The following RPF2 variants were observed in gnomAD, a reference collection of about 807,000 sequenced individuals.
RPF2 encodes the protein ribosome production factor 2 homolog.
In RPF2, 21 loss-of-function variants were observed where a neutral mutation model predicts 38.9. The observed-to-expected ratio is 0.54, with a 90% confidence interval of 0.38 to 0.78. The LOEUF (loss-of-function observed/expected upper bound fraction) is 0.78, where lower values mean the gene tolerates loss of function less well. Ranked by LOEUF, RPF2 falls within the 30% of genes least tolerant of loss-of-function variation. The pLI, the probability that RPF2 is intolerant of heterozygous loss-of-function variation, is 0.00. For missense variants in RPF2, 314 were observed against 358.1 expected (o/e 0.88, Z 0.99); for synonymous variants, 121 against 126.2 (o/e 0.96, Z 0.28).
chr6:111,009,035 G>C (rs2114331188), intron 7 of RPF2, among the ~76,000 whole-genome samples: 1 of 151,834 alleles, frequency 6.6e-6, no homozygotes, highest in South Asian at 2.1e-4. Flanking sequence ...GAGTAGCTGG[G>C]ATTACAGGTG....
intron 7 of RPF2, among the ~76,000 whole-genome samples, chr6:111,009,059 T>G (rs1465768830): frequency 1.3e-5 from 2 of 149,770 alleles, no homozygotes; most frequent in Non-Finnish European, 3.0e-5. Flanking sequence ...GTCACCATGC[T>G]GACTAATTTC....
At chr6:111,015,397 C>G (rs1011287461) in intron 7 of RPF2, among the ~76,000 whole-genome samples, 1 of 152,034 alleles carries the variant, frequency 6.6e-6, no homozygotes, top group East Asian at 1.9e-4. Flanking sequence ...TTTGAACAGC[C>G]ATTTTTATAG....
Position 110,989,066 on chromosome 6 carries a change from G to GT in RPF2, c.194+2dup. ...AACCATACGGTGTACTATATAAAAA[G>GT]TAAGTCATGATTTCTTTTACTGTAT... On this transcript the variant is annotated splice_donor_variant, in intron 3 of 9. Transcript: ENST00000441448. LOFTEE classifies it high-confidence loss of function. 1.3e-6 allele frequency: 2 copies of GT among 1,554,644 alleles called. No homozygotes were observed. Among genetic ancestry groups the GT allele is most frequent in the Admixed American group, 2.1e-5 (1 of 47,518 alleles).
chr6:111,001,997 C>T (rs1290753384), intron 6 of RPF2, among the ~76,000 whole-genome samples: 2 of 152,102 alleles, frequency 1.3e-5, no homozygotes, highest in South Asian at 2.1e-4. Context: ...TAAAGTAAAC[C>T]GGCTAGGCGT....
At chr6:110,996,981 T>C (rs879584623) in intron 4 of RPF2, among the ~76,000 whole-genome samples, 2 of 152,164 alleles carry the variant, frequency 1.3e-5, no homozygotes, top group Non-Finnish European at 2.9e-5. Context: ...TTTGTATTTT[T>C]AGTAGAGATA....
At chr6:110,983,764 G>A (rs1004987127) in intron 1 of RPF2, among the ~76,000 whole-genome samples, 16 of 151,494 alleles carry the variant, frequency 1.1e-4, no homozygotes, top group African/African-American at 3.6e-4. Flanking sequence ...GGAGGCTCAC[G>A]CCTGTAATCC....
At position 111,025,535 on chromosome 6, in the gene RPF2, A is replaced by C. The variant is rs769015039; in HGVS notation, c.874A>C (p.Ile292Leu). ...GTTGAAGAAGCGACCTGCAGAAAGG[A>C]TAACAGAAGACCACGAGAAAAAGTC... is the stretch of plus-strand genomic sequence containing the variant. ...KGLKKRPAERITEDHEKKSKR... is the reference protein window; with the variant it reads ...KGLKKRPAERLTEDHEKKSKR... The change falls in exon 10 of 10, where the codon ATA (isoleucine) becomes CTA (leucine). Residue 292 changes from isoleucine to leucine, a missense_variant. Physicochemically the swap from Ile to Leu is conservative, Grantham distance 5 (BLOSUM62 2). Coordinates refer to ENST00000441448, the MANE Select transcript of RPF2 (RefSeq NM_032194.3). 8.1e-6 allele frequency: 13 copies of C among 1,611,576 alleles called. No individual in the cohort carries two copies. In the South Asian group the frequency reaches 1.4e-4, roughly 18 times the overall value.
At chr6:111,011,225 G>T (rs1339922072) in intron 7 of RPF2, among the ~76,000 whole-genome samples, 1 of 151,814 alleles carries the variant, frequency 6.6e-6, no homozygotes, top group Non-Finnish European at 1.5e-5. Flanking sequence ...GAAAGACAAT[G>T]ACTAATATTT....
intron 7 of RPF2, among the ~76,000 whole-genome samples, chr6:111,009,113 T>G (rs1380461660): frequency 6.6e-6 from 1 of 152,116 alleles, no homozygotes; most frequent in Non-Finnish European, 1.5e-5. Context: ...TAGAGTGCAG[T>G]GGCGCGATCT....
At position 111,025,482 on chromosome 6, in the gene RPF2, G is replaced by C; in HGVS notation, c.821G>C (p.Ser274Thr). 1.9e-6 allele frequency: 3 copies of C among 1,613,474 alleles called. No homozygotes were observed. Among genetic ancestry groups the C allele is most frequent in the African/African-American group, 1.3e-5 (1 of 74,948 alleles). ...GRIHMQKQDL[S>T]KLQTRKMKGL... ...ATTCATATGCAGAAGCAAGACCTAA[G>C]CAAACTACAAACCAGGAAAATGAAG... Residue 274 changes from serine to threonine, a missense_variant, in exon 10 of 10, where the codon AGC becomes ACC. Ser to Thr is a moderately conservative substitution (Grantham distance 58). Transcript: ENST00000441448.
chr6:111,013,572 A>T (rs1772054926), intron 7 of RPF2, among the ~76,000 whole-genome samples: 1 of 152,246 alleles, frequency 6.6e-6, no homozygotes, highest in African/African-American at 2.4e-5. Context: ...CTTAATAAAG[A>T]GTACTTTTCC....
At position 110,994,727 on chromosome 6, in the gene RPF2, G is replaced by GTATATATATATATATATATATATATA. The variant is rs147149680; in HGVS notation, c.235-2448_235-2447insTATATATATATATATATATATATATA. Among the ~76,000 whole-genome samples, 68 of 107,304 alleles carry GTATATATATATATATATATATATATA rather than the reference G, an allele frequency of 6.3e-4. 3 individuals carry two copies. In the Middle Eastern group the frequency reaches 0.013, roughly 21 times the overall value. The allele number at this position is 107,304 out of a possible 152,430, so 70.4% of individuals were successfully genotyped here. A position where few individuals can be genotyped will look rare whatever the true frequency, so the allele number is the denominator to read the frequency against. On this transcript the variant is annotated intron_variant, in intron 4 of 9. Transcript: ENST00000441448. ...GCAGACTTTGTGGAGAATGGGATGA[G>GTATATATATATATATATATATATATA]TATATATACACACACACACACACAC...
chr6:111,009,078 C>G (rs779137101), intron 7 of RPF2, among the ~76,000 whole-genome samples: 3 of 150,872 alleles, frequency 2.0e-5, no homozygotes, highest in Admixed American at 1.3e-4. Flanking sequence ...TCTTTTGAGA[C>G]GGAGTCTCGC....
intron 3 of RPF2, among the ~76,000 whole-genome samples, chr6:110,989,780 G>A (rs896363717): frequency 1.3e-4 from 20 of 151,752 alleles, no homozygotes; most frequent in Non-Finnish European, 1.3e-4. Context: ...GCACCTCCAT[G>A]CCCAGCTCAT....
chr6:111,003,132 C>A (rs1344794554), intron 6 of RPF2, among the ~76,000 whole-genome samples: 1 of 144,764 alleles, frequency 6.9e-6, no homozygotes, highest in East Asian at 2.1e-4. Context: ...GTCACCAATA[C>A]CCCATTATTT....
At chr6:110,998,587 T>C (rs903429483) in intron 5 of RPF2, among the ~76,000 whole-genome samples, 5 of 152,276 alleles carry the variant, frequency 3.3e-5, no homozygotes, top group Admixed American at 3.3e-4. Context: ...TACAGCTTAT[T>C]GATTACTCCT....
At chr6:111,007,051 A>G (rs1771922014) in intron 6 of RPF2, among the ~76,000 whole-genome samples, 1 of 151,846 alleles carries the variant, frequency 6.6e-6, no homozygotes. Context: ...CAAAAAAAAA[A>G]GGTTTTTTGT....
At chr6:111,010,333 C>A (rs1771990953) in intron 7 of RPF2, among the ~76,000 whole-genome samples, 1 of 151,960 alleles carries the variant, frequency 6.6e-6, no homozygotes, top group Non-Finnish European at 1.5e-5. Flanking sequence ...CCTGTATTGC[C>A]CAGGCTGGTC....
intron 5 of RPF2, among the ~76,000 whole-genome samples, 190 bp from the exon 6 acceptor site, chr6:110,999,521 C>G (rs1337563877): frequency 6.6e-6 from 1 of 152,062 alleles, no homozygotes; most frequent in Non-Finnish European, 1.5e-5. Context: ...TATCTGAGAT[C>G]CTTTCCATGA....
Sources: allele counts gnomAD v4.1 joint callset (sites outside exome capture counted in the v4.1 genomes callset), GRCh38; gene constraint gnomAD v4.1.1; transcripts MANE v1.5; gene names NCBI Gene and HGNC (gene_info 2026-07-23, HGNC 2026-07-21).